APP: variants seen among roughly 807,000 people sequenced by gnomAD.
APP encodes the protein amyloid beta precursor protein.
In APP, 31 loss-of-function variants were observed where a neutral mutation model predicts 101.4. The ratio of observed to expected loss-of-function variants is 0.31; its 90% CI spans 0.23 to 0.41. The LOEUF is 0.41. Ranked by LOEUF, APP falls within the 10% of genes least tolerant of loss-of-function variation. The pLI, the probability that APP is intolerant of heterozygous loss-of-function variation, is 1.00. For missense variants in APP, 839 were observed against 1,003.7 expected, an observed-to-expected ratio of 0.84 and a Z score of 2.22; for synonymous variants, 366 against 364.4, an observed-to-expected ratio of 1.00 and a Z score of -0.05.
In APP at chr21:26,098,737, A is replaced by G. The variant is rs548882864; in HGVS notation, c.226-8665T>C. Among the ~76,000 whole-genome samples, 3 of 152,376 alleles carry G rather than the reference A, an allele frequency of 2.0e-5. No individual in the cohort carries two copies. The South Asian group carries it at 6.2e-4, about 32-fold the overall frequency. ...TGCCTACTTTTCTACTTAGTCATTC[A>G]ATTTTTAAAATTCACCTTTAGCCAA... On this transcript the variant is annotated intron_variant, in intron 2 of 17. Transcript: ENST00000346798.
intron 8 of APP, 106 bp from the exon 9 acceptor site, chr21:25,982,583 G>T (rs1277443792): frequency 8.7e-7 from 1 of 1,143,020 alleles, no homozygotes; most frequent in Non-Finnish European, 1.3e-6. Context: ...TCAGAACAGA[G>T]AATTTAGTAA....
chr21:25,899,851 G>C (rs2038325025), intron 15 of APP, among the ~76,000 whole-genome samples: 3 of 152,108 alleles, frequency 2.0e-5, no homozygotes, highest in African/African-American at 7.2e-5. Flanking sequence ...GATCTATCTC[G>C]GGCTTTAATT....
At chr21:26,076,049 A>C (rs965337417) in intron 3 of APP, among the ~76,000 whole-genome samples, 2 of 152,000 alleles carry the variant, frequency 1.3e-5, no homozygotes, top group African/African-American at 4.8e-5. Flanking sequence ...GCCCATCACC[A>C]TGCCTGGCTA....
rs202081585 is a variant in APP, at chr21:25,880,757, G to T, written c.*913C>A. ...TCTTCTCCCCACCCAAAATTACTTC[G>T]ATTATTTAATGTCTGTAGTCATCCT... On this transcript the variant is annotated 3_prime_UTR_variant, in exon 18 of 18. Transcript: ENST00000346798. 1 of 152,146 alleles carries T rather than the reference G, an allele frequency of 6.6e-6. No homozygotes were observed. Among genetic ancestry groups the T allele is most frequent in the Non-Finnish European group, 1.5e-5 (1 of 68,026 alleles). The allele number at this position is 152,146 out of a possible 1,614,324, so 9.4% of individuals were successfully genotyped here. A position where few individuals can be genotyped will look rare whatever the true frequency, so the allele number is the denominator to read the frequency against.
intron 1 of APP, among the ~76,000 whole-genome samples, chr21:26,132,703 T>C (rs2062820268): frequency 6.6e-6 from 1 of 152,194 alleles, no homozygotes. Context: ...AAATACTTGA[T>C]TACTTCAACT....
intron 17 of APP, among the ~76,000 whole-genome samples, chr21:25,885,440 GA>G (rs1391463002): frequency 1.3e-5 from 2 of 152,242 alleles, no homozygotes; most frequent in Non-Finnish European, 2.9e-5. Flanking sequence ...GTTCTGGAAG[GA>G]ATGATAAGAC....
chr21:25,895,394 G>A (rs2037970765), intron 16 of APP, among the ~76,000 whole-genome samples: 1 of 152,088 alleles, frequency 6.6e-6, no homozygotes, highest in Admixed American at 6.6e-5. Flanking sequence ...TCGACCTCCT[G>A]ACCTTGTGAT....
intron 3 of APP, among the ~76,000 whole-genome samples, chr21:26,088,849 A>T (rs534868938): frequency 2.7e-4 from 41 of 152,358 alleles, no homozygotes; most frequent in African/African-American, 9.6e-4. Flanking sequence ...CACTCTCTTC[A>T]TCAATTACAT....
At chr21:26,029,006 C>T (rs866944355) in intron 5 of APP, among the ~76,000 whole-genome samples, 2 of 152,004 alleles carry the variant, frequency 1.3e-5, no homozygotes, top group African/African-American at 2.4e-5. Context: ...CACGGCAAAA[C>T]CAAGAGAGTG....
intron 14 of APP, among the ~76,000 whole-genome samples, chr21:25,909,080 G>T (rs111776203): frequency 1.3e-4 from 20 of 152,046 alleles, no homozygotes; most frequent in African/African-American, 4.6e-4. Flanking sequence ...TGGCTAACAC[G>T]GTGAAACCCT....
chr21:26,015,947 T>C (rs1486292044), intron 6 of APP, among the ~76,000 whole-genome samples: 1 of 152,130 alleles, frequency 6.6e-6, no homozygotes, highest in Non-Finnish European at 1.5e-5. Context: ...AAAACTTTTG[T>C]GTAGAAAACA....
chr21:25,930,794 T>C (rs2040114078), intron 13 of APP, among the ~76,000 whole-genome samples: 1 of 152,244 alleles, frequency 6.6e-6, no homozygotes, highest in South Asian at 2.1e-4. Flanking sequence ...CAATTCTAGA[T>C]ATAGCAATGG....
intron 11 of APP, among the ~76,000 whole-genome samples, chr21:25,958,250 A>G (rs771822346): frequency 1.3e-5 from 2 of 152,054 alleles, no homozygotes; most frequent in African/African-American, 2.4e-5. Flanking sequence ...TCCTATCACA[A>G]CAAACAGCAT....
chr21:26,055,868 G>C (rs1452434992), intron 3 of APP, among the ~76,000 whole-genome samples: 1 of 152,190 alleles, frequency 6.6e-6, no homozygotes, highest in Non-Finnish European at 1.5e-5. Context: ...ACCTTGGCCT[G>C]CAAGAGTTCT....
At chr21:26,136,683 C>CT (rs1449490399) in intron 1 of APP, among the ~76,000 whole-genome samples, 4 of 151,800 alleles carry the variant, frequency 2.6e-5, no homozygotes, top group African/African-American at 9.7e-5. Flanking sequence ...TTCCTTGTAT[C>CT]TGAGCTTTGA....
chr21:26,145,055 T>C (rs745695119), intron 1 of APP, among the ~76,000 whole-genome samples: 1 of 152,208 alleles, frequency 6.6e-6, no homozygotes, highest in Admixed American at 6.5e-5. Flanking sequence ...ATTCTAGATA[T>C]CACATCAAAA....
chr21:26,097,383 A>G (rs1193447624), intron 2 of APP, among the ~76,000 whole-genome samples: 1 of 152,228 alleles, frequency 6.6e-6, no homozygotes, highest in Non-Finnish European at 1.5e-5. Context: ...ATAAGCATGT[A>G]ATTAATATTT....
chr21:26,000,096 G>C lies in APP; in HGVS notation c.952C>G (p.Pro318Ala), dbSNP rs2043226889. 1 of 1,614,140 alleles carries C rather than the reference G, an allele frequency of 6.2e-7. No individual in the cohort carries two copies. The highest frequency in any genetic ancestry group is 8.5e-7 in the Non-Finnish European group (1 of 1,180,004). ...YFDVTEGKCA[P>A]FFYGGCGGNR... ...CCGCCACATCCGCCGTAAAAGAATG[G>C]GGCACACTTCCCTTCAGTCACATCA... is the stretch of plus-strand genomic sequence containing the variant. Residue 318 changes from proline (P) to alanine (A), a missense_variant, in exon 7 of 18, where the codon CCA becomes GCA. By Grantham distance (27) the Pro-to-Ala change is conservative. Coordinates refer to ENST00000346798, the MANE Select transcript of APP (RefSeq NM_000484.4).
chr21:26,142,005 A>G (rs2063056254), intron 1 of APP, among the ~76,000 whole-genome samples: 1 of 152,214 alleles, frequency 6.6e-6, no homozygotes, highest in African/African-American at 2.4e-5. Context: ...TGTGGTGCCT[A>G]GCCACACTAT....
Sources: allele counts gnomAD v4.1 joint callset (sites outside exome capture counted in the v4.1 genomes callset), GRCh38; gene constraint gnomAD v4.1.1; transcripts MANE v1.5; gene names NCBI Gene and HGNC (gene_info 2026-07-23, HGNC 2026-07-21).